The following EEF2 variants were observed in gnomAD, a reference collection of about 807,000 sequenced individuals.
The protein encoded by EEF2 is elongation factor 2.
EEF2 carries 21 observed loss-of-function variants against 85.3 expected under a neutral mutation model. The ratio of observed to expected loss-of-function variants is 0.25; its 90% CI spans 0.17 to 0.35. The LOEUF is 0.35. Ranked by LOEUF, EEF2 falls within the 10% of genes least tolerant of loss-of-function variation. The pLI, the probability that EEF2 is intolerant of heterozygous loss-of-function variation, is 1.00. For missense variants in EEF2, 825 were observed against 1,225.3 expected (o/e 0.67, Z 4.88); for synonymous variants, 723 against 508.8 (o/e 1.42, Z -5.67).
At position 3,980,989 on chromosome 19, in the gene EEF2, C is replaced by G. The variant is rs747276765; in HGVS notation, c.1012-10G>C. 1.9e-6 allele frequency: 3 copies of G among 1,566,258 alleles called. No individual in the cohort carries two copies. Among genetic ancestry groups the G allele is most frequent in the African/African-American group, 1.4e-5 (1 of 74,024 alleles). ...AGCGGCGCATCACAGCCTGCGGGGG[C>G]AGAGAGCGGTGCATGAGACACCTGG... On this transcript the variant is annotated splice_polypyrimidine_tract_variant and intron_variant, in intron 7 of 14. Coordinates refer to ENST00000309311, the MANE Select transcript of EEF2 (RefSeq NM_001961.4).
chr19:3,985,337 C>T, intron 1 of EEF2, 41 bp downstream of exon 1: 3 of 1,449,040 alleles, frequency 2.1e-6, no homozygotes, highest in Non-Finnish European at 2.7e-6. Context: ...CGCGGAGGCC[C>T]CGCCGCCGCT....
At chr19:3,981,541 G>A in intron 6 of EEF2, 89 bp from the exon 7 acceptor site, 4 of 1,243,086 alleles carry the variant, frequency 3.2e-6, no homozygotes, top group Non-Finnish European at 3.5e-6. Context: ...ACTCAGGTCA[G>A]CGCAGGGGGA....
chr19:3,981,646 AG>A (rs2039748838), intron 6 of EEF2, among the ~76,000 whole-genome samples, 194 bp from the exon 7 acceptor site: 1 of 152,232 alleles, frequency 6.6e-6, no homozygotes, highest in Non-Finnish European at 1.5e-5. Context: ...GGTGGAGCAG[AG>A]GAAAAAGCCC....
chr19:3,978,476 T>G (rs1288970505), intron 11 of EEF2, among the ~76,000 whole-genome samples: 2 of 152,242 alleles, frequency 1.3e-5, no homozygotes, highest in East Asian at 1.9e-4. Context: ...GCATTTGTGT[T>G]GTTTGTGGAC....
chr19:3,984,572 G>A (rs185032069), intron 1 of EEF2, among the ~76,000 whole-genome samples: 98 of 152,312 alleles, frequency 6.4e-4, no homozygotes, highest in African/African-American at 2.3e-3. Flanking sequence ...TGACAACCCA[G>A]AAATAAAAGT....
At position 3,981,505 on chromosome 19, in the gene EEF2, G is replaced by A. The variant is rs565356317; in HGVS notation, c.898-53C>T. The A allele has an allele frequency of 6.1e-5, 92 of 1,511,624 alleles. No individual in the cohort carries two copies. The East Asian group carries it at 1.5e-3, about 25-fold the overall frequency. The allele number at this position is 1,511,624 out of a possible 1,614,324, so 93.6% of individuals were successfully genotyped here. A position where few individuals can be genotyped will look rare whatever the true frequency, so the allele number is the denominator to read the frequency against. On this transcript the variant is annotated intron_variant, in intron 6 of 14. Coordinates refer to ENST00000309311, the MANE Select transcript of EEF2 (RefSeq NM_001961.4). Reference sequence around the variant, plus strand: ...GCCCATTTGGGAACAGCAGGAGGAAGCCTGGCACTGCTTCCTGCTTGGAAG... The same window carrying A: ...GCCCATTTGGGAACAGCAGGAGGAAACCTGGCACTGCTTCCTGCTTGGAAG...
chr19:3,985,212 G>T, intron 1 of EEF2, 166 bp downstream of exon 1: 1 of 700,226 alleles, frequency 1.4e-6, no homozygotes, highest in Non-Finnish European at 2.1e-6. Context: ...GAACAGCGCG[G>T]CGCACAGACA....
At chr19:3,980,182 G>A in intron 9 of EEF2, 116 bp from the exon 10 acceptor site, 1 of 1,429,252 alleles carries the variant, frequency 7.0e-7, no homozygotes, top group African/African-American at 1.4e-5. Context: ...AGGGCAGACT[G>A]GTGGCTTCCA....
At position 3,976,671 on chromosome 19, in the gene EEF2, C is replaced by A. The variant is rs145279867; in HGVS notation, c.2460G>T (p.Leu820=). ...TGCTGTTGTCGAAGGGGTCTCCGGG[C>A]AGGATCTGCCAGTGGTCAAACACAC... ...PQCVFDHWQI[L]PGDPFDNSSR... is the part of the protein sequence containing the mutation. The change falls in exon 15 of 15, where the codon CTG becomes CTT. Residue 820 remains leucine (L), a synonymous_variant. Transcript: ENST00000309311. 12 of 1,608,322 alleles carry A rather than the reference C, an allele frequency of 7.5e-6. No homozygotes were observed. Among genetic ancestry groups the A allele is most frequent in the South Asian group, 3.3e-5 (3 of 90,326 alleles).
Position 3,981,967 on chromosome 19 carries a change from T to C in EEF2, c.877A>G (p.Ile293Val). The C allele has an allele frequency of 1.2e-6, 2 of 1,614,066 alleles. No homozygotes were observed. The highest frequency in any genetic ancestry group is 1.7e-6 in the Non-Finnish European group (2 of 1,179,982). The change falls in exon 6 of 15, where the codon ATC becomes GTC. Residue 293 changes from isoleucine to valine, a missense_variant. Ile to Val is a conservative substitution (Grantham distance 29, BLOSUM62 3). Transcript: ENST00000309311. Reference protein sequence around the residue: ...KKLPRTFCQLILDPIFKVFDA... With the variant: ...KKLPRTFCQLVLDPIFKVFDA... ...CTCACCTTGAAGATGGGGTCCAGGATCAGCTGGCAGAAGGTGCGTGGCAGC... is the reference window on the plus strand; with the variant it reads ...CTCACCTTGAAGATGGGGTCCAGGACCAGCTGGCAGAAGGTGCGTGGCAGC...
chr19:3,980,074 AAGC>A lies in EEF2; in HGVS notation c.1347-11_1347-9del. On this transcript the variant is annotated splice_polypyrimidine_tract_variant and intron_variant, in intron 9 of 14. Transcript: ENST00000309311. Reference sequence around the variant, plus strand: ...CCCATCATCAAGATTGTTCTGGAAGAAGCAGAAGGCGGCAGCAGGCCGCAGGGA... The same window carrying A: ...CCCATCATCAAGATTGTTCTGGAAGAAGAAGGCGGCAGCAGGCCGCAGGGA... 9 of 1,609,778 alleles carry A rather than the reference AAGC, an allele frequency of 5.6e-6. No homozygotes were observed. Among genetic ancestry groups the A allele is most frequent in the East Asian group, 2.2e-5 (1 of 44,800 alleles).
intron 2 of EEF2, among the ~76,000 whole-genome samples, chr19:3,983,551 G>A (rs2039781863): frequency 6.6e-6 from 1 of 152,102 alleles, no homozygotes; most frequent in African/African-American, 2.4e-5. Flanking sequence ...TTGGTCCCAA[G>A]ATTCATCACA....
chr19:3,980,217 G>T, intron 9 of EEF2, 151 bp from the exon 10 acceptor site: 2 of 1,218,164 alleles, frequency 1.6e-6, no homozygotes, highest in Non-Finnish European at 2.2e-6. Context: ...CTGCGTCGGG[G>T]CTGTCAGGAA....
At chr19:3,980,470 C>A in intron 9 of EEF2, 44 bp downstream of exon 9, 1 of 1,582,446 alleles carries the variant, frequency 6.3e-7, no homozygotes, top group Non-Finnish European at 8.6e-7. Flanking sequence ...CAGGGCAGGG[C>A]CCGCAACAGT....
intron 10 of EEF2, among the ~76,000 whole-genome samples, 184 bp downstream of exon 10, chr19:3,979,624 C>A (rs562424419): frequency 6.6e-6 from 1 of 152,256 alleles, no homozygotes; most frequent in Non-Finnish European, 1.5e-5. Context: ...ACGCGCAGAG[C>A]AGCCTAGGAG....
At position 3,982,232 on chromosome 19, in the gene EEF2, C is replaced by T. The variant is rs974010455; in HGVS notation, c.791+14G>A. 159 of 1,613,072 alleles carry T rather than the reference C, an allele frequency of 9.9e-5. No individual in the cohort carries two copies. Among genetic ancestry groups the T allele is most frequent in the Non-Finnish European group, 1.3e-4 (156 of 1,179,300 alleles). Reference sequence around the variant, plus strand: ...AGGTGTCAGGAATCCCCCACCATATCCCGCGGGGCTCACCTGTCACCCCAC... The same window carrying T: ...AGGTGTCAGGAATCCCCCACCATATTCCGCGGGGCTCACCTGTCACCCCAC... On this transcript the variant is annotated intron_variant, in intron 5 of 14. Transcript: ENST00000309311.
At chr19:3,984,084 G>C (rs2039789938) in intron 2 of EEF2, 52 bp downstream of exon 2, 2 of 1,593,652 alleles carry the variant, frequency 1.3e-6, no homozygotes, top group Non-Finnish European at 1.7e-6. Flanking sequence ...GTGGCCTCCA[G>C]CTGCCAGGCC....
chr19:3,976,624 G>A lies in EEF2; in HGVS notation c.2507C>T (p.Ala836Val), dbSNP rs764816209. 1.9e-5 allele frequency: 30 copies of A among 1,610,312 alleles called. No individual in the cohort carries two copies. Among genetic ancestry groups the A allele is most frequent in the South Asian group, 4.4e-5 (4 of 90,378 alleles). The change falls in exon 15 of 15, where the codon GCG becomes GTG. Residue 836 changes from alanine (A) to valine (V), a missense_variant. Ala to Val is a moderately conservative substitution (Grantham distance 64, BLOSUM62 0). Coordinates refer to ENST00000309311, the MANE Select transcript of EEF2 (RefSeq NM_001961.4). ...DNSSRPSQVVAETRKRKGLKE... is the reference protein window; with the variant it reads ...DNSSRPSQVVVETRKRKGLKE... ...CAGGCCCTTGCGCTTGCGGGTCTCC[G>A]CCACCACCTGGCTGGGGCGGCTGCT... is the stretch of plus-strand genomic sequence containing the variant.
In EEF2 at chr19:3,980,772, A is replaced by C. The variant is rs1448414801; in HGVS notation, c.1151-63T>G. ...GCAGCTCAGCCTTCTGGAACCCTGC[A>C]ACCCACAACCTTGGGCAACAGGAAG... is the stretch of plus-strand genomic sequence containing the variant. On this transcript the variant is annotated intron_variant, in intron 8 of 14. Coordinates refer to ENST00000309311, the MANE Select transcript of EEF2 (RefSeq NM_001961.4). 2.5e-6 allele frequency: 4 copies of C among 1,594,888 alleles called. No homozygotes were observed. In the East Asian group the frequency reaches 9.0e-5, roughly 36 times the overall value.
Sources: allele counts gnomAD v4.1 joint callset (sites outside exome capture counted in the v4.1 genomes callset), GRCh38; gene constraint gnomAD v4.1.1; transcripts MANE v1.5; gene names NCBI Gene and HGNC (gene_info 2026-07-23, HGNC 2026-07-21).